Variants in FARS2 observed in about 807,000 individuals in gnomAD.
FARS2 encodes phenylalanine--tRNA ligase, mitochondrial.
A neutral mutation model predicts 46.4 loss-of-function variants in FARS2; 40 were observed. That is an observed-to-expected ratio of 0.86 (90% CI 0.67 to 1.12). The LOEUF (loss-of-function observed/expected upper bound fraction) is 1.12, where lower values mean the gene tolerates loss of function less well. Among genes scored for constraint, FARS2 ranks in the 50% most tolerant of loss-of-function variants. The probability of loss-of-function intolerance (pLI) is 0.00; values close to 1 mark genes in which losing one functional copy is unlikely to be tolerated. For missense variants in FARS2, 513 were observed against 567.9 expected, an observed-to-expected ratio of 0.90 and a Z score of 0.98; for synonymous variants, 234 against 214.9, an observed-to-expected ratio of 1.09 and a Z score of -0.78.
intron 5 of FARS2, among the ~76,000 whole-genome samples, chr6:5,563,634 C>T (rs1014515284): frequency 2.0e-5 from 3 of 152,152 alleles, no homozygotes; most frequent in East Asian, 1.9e-4. Context: ...TAGGGCTCCT[C>T]CTGGGGTCGA....
chr6:5,710,625 A>G (rs998560479), intron 6 of FARS2, among the ~76,000 whole-genome samples: 10 of 152,220 alleles, frequency 6.6e-5, no homozygotes, highest in Admixed American at 2.0e-4. Context: ...GAGTCTCTCA[A>G]TTCACAAGAC....
chr6:5,330,269 G>T (rs574954016), intron 1 of FARS2, among the ~76,000 whole-genome samples: 3 of 152,204 alleles, frequency 2.0e-5, no homozygotes, highest in Admixed American at 6.5e-5. Context: ...TCAGAGTGTA[G>T]TATAGTGTTG....
chr6:5,762,075 A>G (rs1332942443), intron 6 of FARS2, among the ~76,000 whole-genome samples: 1 of 152,212 alleles, frequency 6.6e-6, no homozygotes, highest in Non-Finnish European at 1.5e-5. Flanking sequence ...AGCATGTATC[A>G]TATCAGTGAT....
intron 1 of FARS2, among the ~76,000 whole-genome samples, chr6:5,295,210 T>C (rs1239973413): frequency 6.6e-6 from 1 of 152,234 alleles, no homozygotes; most frequent in African/African-American, 2.4e-5. Context: ...ATATACGTTA[T>C]ATCCTCACAA....
intron 5 of FARS2, among the ~76,000 whole-genome samples, chr6:5,573,813 G>T (rs147759256): frequency 1.6e-4 from 24 of 152,300 alleles, no homozygotes; most frequent in African/African-American, 5.3e-4. Flanking sequence ...TGCATTCCTT[G>T]TACATTCAGG....
chr6:5,317,559 T>C (rs1475741939), intron 1 of FARS2, among the ~76,000 whole-genome samples: 3 of 151,952 alleles, frequency 2.0e-5, no homozygotes, highest in Admixed American at 6.6e-5. Flanking sequence ...GGCAAGAGGA[T>C]TGTCTGAGCC....
intron 1 of FARS2, among the ~76,000 whole-genome samples, chr6:5,335,316 A>T (rs1247588679): frequency 6.6e-6 from 1 of 152,172 alleles, no homozygotes; most frequent in Admixed American, 6.6e-5. Flanking sequence ...ACAGAGAGGG[A>T]AATGAGAATA....
chr6:5,293,630 AC>A (rs1767651363), intron 1 of FARS2, among the ~76,000 whole-genome samples: 1 of 152,240 alleles, frequency 6.6e-6, no homozygotes, highest in Non-Finnish European at 1.5e-5. Context: ...ATAGATATTC[AC>A]TTTTATTTAA....
At chr6:5,447,625 A>G (rs418826) in intron 4 of FARS2, among the ~76,000 whole-genome samples, 40 of 152,262 alleles carry the variant, frequency 2.6e-4, no homozygotes, top group African/African-American at 9.4e-4. Flanking sequence ...CATCATCCCT[A>G]CCTTATCCTC....
chr6:5,266,776 T>C (rs1368909381), intron 1 of FARS2, among the ~76,000 whole-genome samples: 1 of 152,222 alleles, frequency 6.6e-6, no homozygotes, highest in Non-Finnish European at 1.5e-5. Flanking sequence ...GGAAATATTA[T>C]AAATATTCTG....
intron 5 of FARS2, chr6:5,610,325 A>T (rs1775106663): frequency 1.2e-5 from 5 of 408,184 alleles, no homozygotes; most frequent in Non-Finnish European, 2.1e-5. Flanking sequence ...AAAAAAAAAA[A>T]AGAATTATAA....
At chr6:5,615,066 C>T (rs991424053) in intron 6 of FARS2, among the ~76,000 whole-genome samples, 1 of 152,126 alleles carries the variant, frequency 6.6e-6, no homozygotes, top group African/African-American at 2.4e-5. Flanking sequence ...AGTTTATTAT[C>T]TTTATCAGGC....
At chr6:5,373,913 A>AG (rs1438333485) in intron 2 of FARS2, among the ~76,000 whole-genome samples, 2 of 146,010 alleles carry the variant, frequency 1.4e-5, no homozygotes, top group African/African-American at 5.1e-5. Context: ...CTATTTTTAA[A>AG]GAAAAAAAAA....
intron 5 of FARS2, among the ~76,000 whole-genome samples, chr6:5,566,230 G>T (rs1772315646): frequency 6.6e-6 from 1 of 152,178 alleles, no homozygotes; most frequent in Non-Finnish European, 1.5e-5. Flanking sequence ...TCATCTCTCA[G>T]TCGGGAGTGG....
intron 4 of FARS2, among the ~76,000 whole-genome samples, chr6:5,497,510 G>A (rs1168512424): frequency 6.6e-6 from 1 of 152,178 alleles, no homozygotes; most frequent in African/African-American, 2.4e-5. Context: ...AGAAAAATGA[G>A]TAAAAGGAAC....
chr6:5,430,077 A>G (rs1000972076), intron 3 of FARS2, among the ~76,000 whole-genome samples: 1 of 152,188 alleles, frequency 6.6e-6, no homozygotes, highest in African/African-American at 2.4e-5. Context: ...TGGGGTGAGA[A>G]CATATGGTAT....
chr6:5,390,928 G>A (rs1226069970), intron 2 of FARS2, among the ~76,000 whole-genome samples: 1 of 152,212 alleles, frequency 6.6e-6, no homozygotes, highest in African/African-American at 2.4e-5. Context: ...TCACATTGAT[G>A]CAATTGCACA....
intron 5 of FARS2, chr6:5,609,824 C>G (rs1440523817): frequency 1.0e-5 from 12 of 1,148,008 alleles, no homozygotes; most frequent in Non-Finnish European, 1.6e-5. Flanking sequence ...AAAATAATCT[C>G]TTCAAAATAA....
chr6:5,308,624 TCCTTA>T (rs1324285876), intron 1 of FARS2, among the ~76,000 whole-genome samples: 1 of 152,248 alleles, frequency 6.6e-6, no homozygotes, highest in Non-Finnish European at 1.5e-5. Context: ...TCGCCCTGTG[TCCTTA>T]CCTTATCATG....
Sources: gnomAD v4.1 joint callset for allele counts (sites outside exome capture counted in the v4.1 genomes callset) on GRCh38, gnomAD v4.1.1 for gene constraint, MANE v1.5 for transcripts, NCBI Gene and HGNC (gene_info 2026-07-23, HGNC 2026-07-21) for gene names.